Variants in DDX60L observed in about 807,000 individuals in gnomAD.
DDX60L encodes the protein probable ATP-dependent RNA helicase DDX60-like.
Under a neutral mutation model 211.6 loss-of-function variants are expected in DDX60L, and 191 were observed. That is an observed-to-expected ratio of 0.90 (90% CI 0.80 to 1.02). The LOEUF (loss-of-function observed/expected upper bound fraction) is 1.02. DDX60L is among the 50% of genes least tolerant of loss of function. The pLI, the probability that DDX60L is intolerant of heterozygous loss-of-function variation, is 0.00. For synonymous variants in DDX60L, 706 were observed against 694.1 expected (o/e 1.02, Z -0.27); for missense variants, 2,007 against 1,984.1 (o/e 1.01, Z -0.22).
intron 6 of DDX60L, 97 bp downstream of exon 6, chr4:168,457,795 C>A (rs1316255260): frequency 3.2e-6 from 2 of 624,632 alleles, no homozygotes; most frequent in East Asian, 5.6e-5. Context: ...GTATATGGCA[C>A]CCTTTAGTCT....
chr4:168,371,848 G>T, intron 35 of DDX60L, 85 bp from the exon 36 acceptor site: 1 of 1,263,704 alleles, frequency 7.9e-7, no homozygotes, highest in Non-Finnish European at 1.1e-6. Flanking sequence ...GTATGAATCT[G>T]TTTCTTAAAG....
rs1350474382 is a variant in DDX60L, at chr4:168,461,729, G to A, written c.576C>T (p.Ser192=). 2.5e-6 allele frequency: 4 copies of A among 1,577,624 alleles called. 1 individual carries two copies. Among genetic ancestry groups the A allele is most frequent in the East Asian group, 2.3e-5 (1 of 44,388 alleles). ...TLRFYAYTME[S]TDRNQTFSKE... ...TGGAAAAAGTTTGGTTTCTGTCTGT[G>A]CTTTCCATAGTATATGCATAAAATC... Residue 192 remains serine, a synonymous_variant, in exon 5 of 38, where the codon AGC becomes AGT. Coordinates refer to ENST00000682922, the MANE Select transcript of DDX60L (RefSeq NM_001012967.3).
rs1758931500 is a variant in DDX60L at position 168,472,517 on chromosome 4, C to A, written c.12G>T (p.Lys4Asn). Reference protein sequence around the residue: MGSKDHAVFFREMT... With the variant: MGSNDHAVFFREMT... The stretch of plus-strand genomic sequence containing the variant: ...TTTCCCTGAAAAATACTGCATGATC[C>A]TTTGACCCTAAAAATAAGGAGATTT... The change falls in exon 3 of 38, where the codon AAG becomes AAT. Residue 4 changes from lysine to asparagine, a missense_variant. Coordinates refer to ENST00000682922, the MANE Select transcript of DDX60L (RefSeq NM_001012967.3). 1 of 1,579,874 alleles carries A rather than the reference C, an allele frequency of 6.3e-7. No homozygotes were observed. The highest frequency in any genetic ancestry group is 2.3e-5 in the East Asian group (1 of 43,402).
chr4:168,400,386 AT>A (rs887901814), intron 26 of DDX60L, among the ~76,000 whole-genome samples: 5 of 152,156 alleles, frequency 3.3e-5, no homozygotes, highest in African/African-American at 1.2e-4. Context: ...ACGCCCAGCA[AT>A]GGGATTGCTG....
At chr4:168,409,069 C>A (rs1266584959) in intron 22 of DDX60L, among the ~76,000 whole-genome samples, 1 of 152,168 alleles carries the variant, frequency 6.6e-6, no homozygotes, top group South Asian at 2.1e-4. Flanking sequence ...TCATTGCTAT[C>A]TTAGGAGCAC....
intron 33 of DDX60L, among the ~76,000 whole-genome samples, chr4:168,376,494 C>T (rs576294487): frequency 2.0e-5 from 3 of 152,156 alleles, no homozygotes; most frequent in Non-Finnish European, 4.4e-5. Flanking sequence ...TTACAAAAGG[C>T]AACCGTGTGG....
At chr4:168,416,822 GA>G in intron 19 of DDX60L, 25 bp from the exon 20 acceptor site, 1 of 1,300,230 alleles carries the variant, frequency 7.7e-7, no homozygotes, top group South Asian at 1.4e-5. Flanking sequence ...AAAATCAGTT[GA>G]AAAGTTGATG....
intron 22 of DDX60L, among the ~76,000 whole-genome samples, chr4:168,412,906 T>C (rs1748934672): frequency 6.6e-6 from 1 of 152,228 alleles, no homozygotes; most frequent in Admixed American, 6.5e-5. Flanking sequence ...TTATTCAGGA[T>C]CTTATCCAAA....
chr4:168,395,641 T>G (rs1015295337), intron 27 of DDX60L: 3 of 192,470 alleles, frequency 1.6e-5, no homozygotes, highest in African/African-American at 7.0e-5. Context: ...AAATATATTG[T>G]GTCATAAAAC....
rs762277475 is a variant in DDX60L, at chr4:168,433,072, C to T, written c.1338G>A (p.Met446Ile). Residue 446 changes from methionine (M) to isoleucine (I), a missense_variant, in exon 11 of 38, where the codon ATG becomes ATA. Met to Ile is a conservative substitution (Grantham distance 10, BLOSUM62 1). Coordinates refer to ENST00000682922, the MANE Select transcript of DDX60L (RefSeq NM_001012967.3). ...EKMPSVGFIP[M>I]TSAVIDEFVG... ...CAAACTCATCAATTACAGCAGATGT[C>T]ATTGGAATAAAGCCCACACTAGGCA... 1 of 1,609,324 alleles carries T rather than the reference C, an allele frequency of 6.2e-7. No homozygotes were observed. Among genetic ancestry groups the T allele is most frequent in the South Asian group, 1.1e-5 (1 of 90,272 alleles).
intron 36 of DDX60L, among the ~76,000 whole-genome samples, chr4:168,362,026 G>GTT: frequency 6.6e-6 from 1 of 152,244 alleles, no homozygotes; most frequent in East Asian, 1.9e-4. Flanking sequence ...GGAAAAGGCA[G>GTT]ACATGCACAG....
At chr4:168,445,161 A>T (rs1393856069) in intron 9 of DDX60L, among the ~76,000 whole-genome samples, 2 of 138,100 alleles carry the variant, frequency 1.4e-5, no homozygotes, top group Non-Finnish European at 3.1e-5. Context: ...AAGAGAGAAG[A>T]ATCAAATAGA....
chr4:168,390,228 T>C, intron 29 of DDX60L: 1 of 1,043,544 alleles, frequency 9.6e-7, no homozygotes, highest in South Asian at 4.5e-5. Context: ...TCCAAACTAG[T>C]GATTTTGGCA....
rs1337311940 is a variant in DDX60L at position 168,358,178 on chromosome 4, T to C, written c.5090A>G (p.Gln1697Arg). Residue 1697 changes from glutamine to arginine, a missense_variant, in exon 38 of 38, where the codon CAA (glutamine) becomes CGA (arginine). Gln to Arg is a conservative substitution (Grantham distance 43). Coordinates refer to ENST00000682922, the MANE Select transcript of DDX60L (RefSeq NM_001012967.3). ...TAAATGATTTTGACTCATTTGAATT[T>C]GCATTTCTTGAAGTTTCTCATAAAA... is the stretch of plus-strand genomic sequence containing the variant. ...QTFYEKLQEM[Q>R]IQMSQNHLE is the part of the protein sequence containing the mutation. 1 of 1,608,786 alleles carries C rather than the reference T, an allele frequency of 6.2e-7. No individual in the cohort carries two copies. Among genetic ancestry groups the C allele is most frequent in the South Asian group, 1.1e-5 (1 of 90,010 alleles).
At chr4:168,361,072 T>G in intron 37 of DDX60L, 77 bp downstream of exon 37, 1 of 1,087,604 alleles carries the variant, frequency 9.2e-7, no homozygotes, top group Admixed American at 2.1e-5. Flanking sequence ...AATCACAAAC[T>G]TACACAAAGG....
intron 33 of DDX60L, among the ~76,000 whole-genome samples, chr4:168,377,556 T>C (rs1742194628): frequency 6.6e-6 from 1 of 152,164 alleles, no homozygotes; most frequent in African/African-American, 2.4e-5. Context: ...TAGTAGTAAA[T>C]ATGAAGTTTC....
chr4:168,391,755 CAT>C (rs1744874208), intron 28 of DDX60L, 111 bp from the exon 29 acceptor site: 5 of 543,128 alleles, frequency 9.2e-6, no homozygotes, highest in East Asian at 3.1e-5. Context: ...TAACAAACCA[CAT>C]GTCATTAAAA....
chr4:168,456,029 T>A lies in DDX60L; in HGVS notation c.837+10A>T, dbSNP rs1157434443. 1 of 1,563,528 alleles carries A rather than the reference T, an allele frequency of 6.4e-7. No individual in the cohort carries two copies. Reference sequence around the variant, plus strand: ...GCTTTCTGCCTGGCGGCTGTGTTCTTTTTACTTACTAAGACACGATGGTAC... The same window carrying A: ...GCTTTCTGCCTGGCGGCTGTGTTCTATTTACTTACTAAGACACGATGGTAC... On this transcript the variant is annotated intron_variant, in intron 7 of 37. Coordinates refer to ENST00000682922, the MANE Select transcript of DDX60L (RefSeq NM_001012967.3).
Position 168,400,737 on chromosome 4 carries a change from T to G in DDX60L, c.3491+89A>C, listed in dbSNP as rs1746645218. On this transcript the variant is annotated intron_variant, in intron 26 of 37. Coordinates refer to ENST00000682922, the MANE Select transcript of DDX60L (RefSeq NM_001012967.3). ...TGAAGCAATAACAAGAACCTCTTTG[T>G]GGCTCAGGTCTCTAAACATTTCTGA... 3 of 1,157,268 alleles carry G rather than the reference T, an allele frequency of 2.6e-6. No individual in the cohort carries two copies. In the African/African-American group the frequency reaches 4.7e-5, roughly 18 times the overall value. The allele number at this position is 1,157,268 out of a possible 1,614,324, so 71.7% of individuals were successfully genotyped here. A position where few individuals can be genotyped will look rare whatever the true frequency, so the allele number is the denominator to read the frequency against.
Sources: allele counts gnomAD v4.1 joint callset (sites outside exome capture counted in the v4.1 genomes callset), GRCh38; gene constraint gnomAD v4.1.1; transcripts MANE v1.5; gene names NCBI Gene and HGNC (gene_info 2026-07-23, HGNC 2026-07-21).